Variants in SLC5A1 observed in about 807,000 individuals in gnomAD.
SLC5A1 encodes sodium/glucose cotransporter 1.
In SLC5A1, 42 loss-of-function variants were observed where a neutral mutation model predicts 73.5. The ratio of observed to expected loss-of-function variants is 0.57; its 90% CI spans 0.45 to 0.74. The LOEUF is 0.74. SLC5A1 is among the 30% of genes least tolerant of loss of function. The probability of loss-of-function intolerance (pLI) is 0.00; values close to 1 mark genes in which losing one functional copy is unlikely to be tolerated. For missense variants in SLC5A1, 634 were observed against 855.4 expected (o/e 0.74, Z 3.23); for synonymous variants, 300 against 317.4 (o/e 0.95, Z 0.58).
Position 32,091,773 on chromosome 22 carries a change from C to A in SLC5A1, c.1280+11C>A. On this transcript the variant is annotated intron_variant, in intron 11 of 14. Coordinates refer to ENST00000266088, the MANE Select transcript of SLC5A1 (RefSeq NM_000343.4). ...CATGATTGCCGGAAGGTAAATGCAGCTTCCCCCAAGCCACAAAAGCTTGAA... is the reference window on the plus strand; with the variant it reads ...CATGATTGCCGGAAGGTAAATGCAGATTCCCCCAAGCCACAAAAGCTTGAA... 6.2e-7 allele frequency: 1 copy of A among 1,613,654 alleles called. No individual in the cohort carries two copies. The highest frequency in any genetic ancestry group is 1.1e-5 in the South Asian group (1 of 91,074).
chr22:32,063,058 G>A (rs566990022), intron 2 of SLC5A1, among the ~76,000 whole-genome samples: 2 of 152,216 alleles, frequency 1.3e-5, no homozygotes, highest in African/African-American at 4.8e-5. Flanking sequence ...ATGTATATGG[G>A]GAGAGAGAGA....
intron 13 of SLC5A1, among the ~76,000 whole-genome samples, chr22:32,103,850 C>A (rs2094040625): frequency 6.6e-6 from 1 of 152,036 alleles, no homozygotes; most frequent in Admixed American, 6.6e-5. Context: ...CTCTAGATGC[C>A]CCCATTGGTT....
intron 10 of SLC5A1, 40 bp from the exon 11 acceptor site, chr22:32,091,572 A>C: frequency 6.2e-7 from 1 of 1,611,880 alleles, no homozygotes; most frequent in African/African-American, 1.3e-5. Flanking sequence ...AAAGAGCTGA[A>C]GGTGCTGTTA....
At chr22:32,061,099 A>G (rs547744871) in intron 2 of SLC5A1, among the ~76,000 whole-genome samples, 4 of 152,258 alleles carry the variant, frequency 2.6e-5, no homozygotes, top group Admixed American at 2.6e-4. Context: ...AGACAGATGC[A>G]ATTCCTGCCA....
At chr22:32,055,348 CTGAT>C (rs1381298651) in intron 2 of SLC5A1, among the ~76,000 whole-genome samples, 1 of 152,208 alleles carries the variant, frequency 6.6e-6, no homozygotes, top group Non-Finnish European at 1.5e-5. Context: ...GGAGCTCCAT[CTGAT>C]TTTCTGTCCC....
chr22:32,051,803 A>G (rs1038269802), intron 2 of SLC5A1, among the ~76,000 whole-genome samples: 9 of 152,250 alleles, frequency 5.9e-5, no homozygotes, highest in African/African-American at 2.2e-4. Flanking sequence ...CTTTGCTGCT[A>G]TGCAATCTCT....
At chr22:32,083,020 T>C in intron 6 of SLC5A1, 54 bp from the exon 7 acceptor site, 2 of 1,519,590 alleles carry the variant, frequency 1.3e-6, no homozygotes, top group Admixed American at 1.7e-5. Context: ...AGGAAGCAAG[T>C]AGACAGGTCA....
intron 9 of SLC5A1, 89 bp downstream of exon 9, chr22:32,085,124 C>CTT: frequency 2.0e-6 from 3 of 1,495,086 alleles, no homozygotes; most frequent in Non-Finnish European, 2.8e-6. Context: ...GCTTCCTCCT[C>CTT]TTTTTTTTTG....
chr22:32,063,443 T>G (rs1016166612), intron 2 of SLC5A1, among the ~76,000 whole-genome samples: 1 of 151,938 alleles, frequency 6.6e-6, no homozygotes, highest in Non-Finnish European at 1.5e-5. Flanking sequence ...ACCCAGAGAG[T>G]AAGAGGTCAA....
chr22:32,054,351 T>C (rs1603105551), intron 2 of SLC5A1, among the ~76,000 whole-genome samples: 1 of 152,326 alleles, frequency 6.6e-6, no homozygotes, highest in South Asian at 2.1e-4. Flanking sequence ...TGTGTTTATG[T>C]CCCTCACATT....
rs548742636 is a variant in SLC5A1 at position 32,097,194 on chromosome 22, T to A, written c.1281-1989T>A. Among the ~76,000 whole-genome samples, 5 of 152,268 alleles carry A rather than the reference T, an allele frequency of 3.3e-5. No individual in the cohort carries two copies. In the East Asian group the frequency reaches 9.6e-4, roughly 29 times the overall value. ...GTCCCAGTCCTGGATGAGCTCACAG[T>A]GATGTGAAACCATTCCAAACTCTGC... is the stretch of plus-strand genomic sequence containing the variant. On this transcript the variant is annotated intron_variant, in intron 11 of 14. Coordinates refer to ENST00000266088, the MANE Select transcript of SLC5A1 (RefSeq NM_000343.4).
intron 5 of SLC5A1, among the ~76,000 whole-genome samples, chr22:32,079,490 T>C (rs1414197967): frequency 6.6e-6 from 1 of 152,250 alleles, no homozygotes. Flanking sequence ...CATTATCTTA[T>C]AACTTATGTG....
intron 10 of SLC5A1, 36 bp downstream of exon 10, chr22:32,086,363 C>A: frequency 7.1e-7 from 1 of 1,413,138 alleles, no homozygotes; most frequent in Non-Finnish European, 1.0e-6. Flanking sequence ...TAGAGTCTTT[C>A]TTGGGAGGCT....
rs143429885 is a variant in SLC5A1 at position 32,091,588 on chromosome 22, C to T, written c.1130-24C>T. On this transcript the variant is annotated intron_variant, in intron 10 of 14. Transcript: ENST00000266088. Reference sequence around the variant, plus strand: ...AAGAGCTGAAGGTGCTGTTATGTGCCACTCAAAAATCCTTCTCTTCCAGGA... The same window carrying T: ...AAGAGCTGAAGGTGCTGTTATGTGCTACTCAAAAATCCTTCTCTTCCAGGA... 139 of 1,613,812 alleles carry T rather than the reference C, an allele frequency of 8.6e-5. No individual in the cohort carries two copies. In the African/African-American group the frequency reaches 1.7e-3, roughly 20 times the overall value.
At chr22:32,070,682 C>A (rs1201425440) in intron 5 of SLC5A1, among the ~76,000 whole-genome samples, 1 of 152,038 alleles carries the variant, frequency 6.6e-6, no homozygotes, top group African/African-American at 2.4e-5. Context: ...GTGTTCAGGT[C>A]AATTCCTCTT....
At chr22:32,098,952 G>T (rs2094030832) in intron 11 of SLC5A1, among the ~76,000 whole-genome samples, 1 of 151,350 alleles carries the variant, frequency 6.6e-6, no homozygotes, top group African/African-American at 2.4e-5. Context: ...CGGGCGTGGT[G>T]GCGGGCGCCT....
intron 6 of SLC5A1, 80 bp downstream of exon 6, chr22:32,082,051 G>C (rs777548389): frequency 2.1e-6 from 2 of 932,370 alleles, no homozygotes; most frequent in Non-Finnish European, 3.6e-6. Context: ...AAGTAGGAGA[G>C]GTGGTTTCTC....
intron 14 of SLC5A1, 30 bp downstream of exon 14, chr22:32,104,921 C>A: frequency 6.8e-7 from 1 of 1,475,604 alleles, no homozygotes; most frequent in Non-Finnish European, 9.5e-7. Flanking sequence ...AGATCCTAAA[C>A]CATAAAAGTT....
chr22:32,045,065 C>A (rs1432013708), intron 1 of SLC5A1, among the ~76,000 whole-genome samples: 1 of 152,134 alleles, frequency 6.6e-6, no homozygotes, highest in East Asian at 1.9e-4. Context: ...GAAATTGTTC[C>A]TGGAACTCAG....
Sources: gnomAD v4.1 joint callset for allele counts (sites outside exome capture counted in the v4.1 genomes callset) on GRCh38, gnomAD v4.1.1 for gene constraint, MANE v1.5 for transcripts, NCBI Gene and HGNC (gene_info 2026-07-23, HGNC 2026-07-21) for gene names.